Variants in ABRAXAS2 observed in about 807,000 individuals in gnomAD.
The protein encoded by ABRAXAS2 is abraxas 2, BRISC complex subunit.
Under a neutral mutation model 49.0 loss-of-function variants are expected in ABRAXAS2, and 23 were observed. The ratio of observed to expected loss-of-function variants is 0.47; its 90% CI spans 0.34 to 0.66. The LOEUF is 0.66. Among genes scored for constraint, ABRAXAS2 ranks in the 30% least tolerant of loss-of-function variants. ABRAXAS2 has a pLI of 0.01. For synonymous variants in ABRAXAS2, 168 were observed against 180.2 expected (o/e 0.93, Z 0.54); for missense variants, 443 against 511.9 (o/e 0.87, Z 1.30).
chr10:124,816,360 T>G (rs1275581544), intron 2 of ABRAXAS2, among the ~76,000 whole-genome samples: 1 of 152,208 alleles, frequency 6.6e-6, no homozygotes. Flanking sequence ...CATGGACAGA[T>G]AGAAATAGAA....
intron 2 of ABRAXAS2, among the ~76,000 whole-genome samples, chr10:124,807,372 G>C (rs1005607813): frequency 2.0e-5 from 3 of 150,448 alleles, no homozygotes; most frequent in Non-Finnish European, 4.4e-5. Context: ...CGAAAATAAG[G>C]CCGGCCATGG....
Position 124,834,868 on chromosome 10 carries a change from A to G in ABRAXAS2, c.1145A>G (p.Asp382Gly). The G allele has an allele frequency of 6.2e-7, 1 of 1,613,926 alleles. No individual in the cohort carries two copies. Among genetic ancestry groups the G allele is most frequent in the African/African-American group, 1.3e-5 (1 of 74,932 alleles). Residue 382 changes from aspartate (D) to glycine (G), a missense_variant, in exon 9 of 9, where the codon GAC becomes GGC. By Grantham distance (94) the Asp-to-Gly change is moderately conservative. Around this residue, in one of 3 missense-constraint regions of ABRAXAS2, gnomAD observed 230 missense variants for 237.0 expected, o/e 0.97. Transcript: ENST00000298492. Reference protein sequence around the residue: ...SDDSDYENLIDPTEPSNSEYS... With the variant: ...SDDSDYENLIGPTEPSNSEYS... ...GACAGTGATTATGAAAATTTGATTG[A>G]CCCTACAGAGCCTTCTAATAGTGAA...
At chr10:124,825,646 A>G (rs1950891844) in intron 4 of ABRAXAS2, among the ~76,000 whole-genome samples, 1 of 152,238 alleles carries the variant, frequency 6.6e-6, no homozygotes, top group East Asian at 1.9e-4. Context: ...TTTAATTTTA[A>G]TATGACACTA....
At chr10:124,809,751 AT>A (rs556850092) in intron 2 of ABRAXAS2, among the ~76,000 whole-genome samples, 3,324 of 135,852 alleles carry the variant, frequency 0.024, 66 homozygotes, top group East Asian at 0.09. Context: ...ACATTATGAG[AT>A]TTTTTTTTTT....
intron 4 of ABRAXAS2, among the ~76,000 whole-genome samples, chr10:124,821,522 C>T (rs117963452): frequency 0.051 from 7,748 of 151,416 alleles, 294 homozygotes; most frequent in Non-Finnish European, 0.079. Flanking sequence ...GCTGAGATTG[C>T]GCCACTGCAC....
At chr10:124,808,514 G>A (rs886620454) in intron 2 of ABRAXAS2, among the ~76,000 whole-genome samples, 1 of 152,110 alleles carries the variant, frequency 6.6e-6, no homozygotes, top group Non-Finnish European at 1.5e-5. Flanking sequence ...CATATGTGAG[G>A]CGTGTGCTGG....
intron 2 of ABRAXAS2, among the ~76,000 whole-genome samples, chr10:124,809,118 C>T (rs570424200): frequency 2.7e-5 from 4 of 149,996 alleles, no homozygotes; most frequent in African/African-American, 4.9e-5. Context: ...GCAACAAGAG[C>T]GAAACTCTGT....
intron 2 of ABRAXAS2, among the ~76,000 whole-genome samples, chr10:124,816,133 C>T (rs1950823650): frequency 1.3e-5 from 2 of 152,056 alleles, no homozygotes; most frequent in Non-Finnish European, 2.9e-5. Flanking sequence ...GAACTCCTGA[C>T]CTAGTGATCT....
At chr10:124,812,253 T>C (rs2134161365) in intron 2 of ABRAXAS2, among the ~76,000 whole-genome samples, 1 of 152,354 alleles carries the variant, frequency 6.6e-6, no homozygotes, top group East Asian at 1.9e-4. Flanking sequence ...AATCTTTAAC[T>C]TATTAGCGAT....
At chr10:124,818,398 CAAAAA>C (rs754223417) in intron 3 of ABRAXAS2, among the ~76,000 whole-genome samples, 1 of 59,776 alleles carries the variant, frequency 1.7e-5, no homozygotes, top group Non-Finnish European at 3.7e-5. Context: ...TCCATCTCAA[CAAAAA>C]AAAAAAAAAA....
intron 8 of ABRAXAS2, among the ~76,000 whole-genome samples, chr10:124,832,708 G>C (rs190898907): frequency 6.6e-6 from 1 of 152,144 alleles, no homozygotes; most frequent in African/African-American, 2.4e-5. Flanking sequence ...AGCTGGTCAT[G>C]GTGGCGTGCA....
intron 2 of ABRAXAS2, among the ~76,000 whole-genome samples, chr10:124,809,901 C>T (rs923677791): frequency 2.9e-4 from 44 of 149,288 alleles, no homozygotes; most frequent in Admixed American, 1.5e-3. Context: ...TACAGGCATG[C>T]GCCACCATGC....
At chr10:124,813,357 CTTAG>C (rs1412037393) in intron 2 of ABRAXAS2, among the ~76,000 whole-genome samples, 1 of 152,114 alleles carries the variant, frequency 6.6e-6, no homozygotes, top group Non-Finnish European at 1.5e-5. Context: ...CAGAAGTGTC[CTTAG>C]TTAATGAGGT....
At chr10:124,829,526 C>T (rs750779698) in intron 7 of ABRAXAS2, 49 bp downstream of exon 7, 82 of 1,251,746 alleles carry the variant, frequency 6.6e-5, no homozygotes, top group Non-Finnish European at 9.4e-5. Context: ...TGCCCAAAAG[C>T]TTTTAATTCT....
chr10:124,813,526 A>G (rs1022215664), intron 2 of ABRAXAS2, among the ~76,000 whole-genome samples: 2 of 152,196 alleles, frequency 1.3e-5, no homozygotes, highest in African/African-American at 4.8e-5. Context: ...GCAGGTGTCT[A>G]CTGTGTTGTT....
intron 2 of ABRAXAS2, among the ~76,000 whole-genome samples, chr10:124,813,714 C>T (rs993243700): frequency 6.6e-6 from 1 of 152,158 alleles, no homozygotes; most frequent in Non-Finnish European, 1.5e-5. Flanking sequence ...TCTTAGAAAG[C>T]TTTAACTTCC....
chr10:124,832,104 C>G (rs1950937408), intron 8 of ABRAXAS2, among the ~76,000 whole-genome samples: 2 of 151,796 alleles, frequency 1.3e-5, no homozygotes, highest in Admixed American at 6.6e-5. Context: ...GGTGATCCAC[C>G]CGCCTCAGCC....
chr10:124,819,325 A>G lies in ABRAXAS2; in HGVS notation c.201-59A>G. 2.8e-6 allele frequency: 4 copies of G among 1,425,894 alleles called. No homozygotes were observed. In the South Asian group the frequency reaches 4.6e-5, roughly 16 times the overall value. The allele number at this position is 1,425,894 out of a possible 1,614,324, so 88.3% of individuals were successfully genotyped here. A position where few individuals can be genotyped will look rare whatever the true frequency, so the allele number is the denominator to read the frequency against. On this transcript the variant is annotated intron_variant, in intron 3 of 8. Transcript: ENST00000298492. Reference sequence around the variant, plus strand: ...GGGTTACCACAGGCATATGCAGCCAAGCACGTCTATGTCACAATACTATGT... The same window carrying G: ...GGGTTACCACAGGCATATGCAGCCAGGCACGTCTATGTCACAATACTATGT...
intron 8 of ABRAXAS2, among the ~76,000 whole-genome samples, chr10:124,834,251 A>G (rs1004433151): frequency 2.0e-5 from 3 of 152,218 alleles, no homozygotes; most frequent in African/African-American, 7.2e-5. Flanking sequence ...CTTTGCATCT[A>G]TAATGGAAAC....
Sources: gnomAD v4.1 joint callset for allele counts (sites outside exome capture counted in the v4.1 genomes callset) on GRCh38, gnomAD v4.1.1 for gene constraint, gnomAD v4.1.1 regional missense constraint, MANE v1.5 for transcripts, NCBI Gene and HGNC (gene_info 2026-07-23, HGNC 2026-07-21) for gene names.